TCF7L1: variants seen among roughly 807,000 people sequenced by gnomAD.
TCF7L1 encodes transcription factor 7 like 1.
Under a neutral mutation model 63.7 loss-of-function variants are expected in TCF7L1, and 18 were observed. That is an observed-to-expected ratio of 0.28 (90% CI 0.20 to 0.42). The LOEUF (loss-of-function observed/expected upper bound fraction) is 0.42. Among genes scored for constraint, TCF7L1 ranks in the 10% least tolerant of loss-of-function variants. The pLI is 1.00. For missense variants in TCF7L1, 654 were observed against 779.3 expected (o/e 0.84, Z 1.91); for synonymous variants, 355 against 340.9 (o/e 1.04, Z -0.46).
intron 3 of TCF7L1, among the ~76,000 whole-genome samples, chr2:85,231,466 G>A (rs918693018): frequency 6.6e-6 from 1 of 152,140 alleles, no homozygotes. Flanking sequence ...ATTCCTCCTC[G>A]TCCACGTGAC....
chr2:85,260,527 G>GC (rs746257233), intron 3 of TCF7L1, among the ~76,000 whole-genome samples: 1 of 151,854 alleles, frequency 6.6e-6, no homozygotes, highest in Non-Finnish European at 1.5e-5. Flanking sequence ...TGTAGTCCCA[G>GC]CTACCCGGTG....
intron 3 of TCF7L1, among the ~76,000 whole-genome samples, chr2:85,174,714 G>T (rs150879703): frequency 6.6e-6 from 1 of 152,104 alleles, no homozygotes; most frequent in Non-Finnish European, 1.5e-5. Context: ...CCCTGACTCC[G>T]CCTGACAACC....
chr2:85,188,139 A>C, intron 3 of TCF7L1, among the ~76,000 whole-genome samples: 1 of 152,186 alleles, frequency 6.6e-6, no homozygotes, highest in East Asian at 1.9e-4. Flanking sequence ...GAGGGGAATA[A>C]GGGATAGGTG....
intron 4 of TCF7L1, among the ~76,000 whole-genome samples, chr2:85,284,638 C>T (rs938144239): frequency 3.3e-5 from 5 of 152,116 alleles, no homozygotes; most frequent in Non-Finnish European, 7.4e-5. Flanking sequence ...TGGTGCTCGC[C>T]GACTGTACAG....
chr2:85,242,429 T>C (rs974011871), intron 3 of TCF7L1, among the ~76,000 whole-genome samples: 6 of 152,238 alleles, frequency 3.9e-5, no homozygotes, highest in African/African-American at 1.4e-4. Flanking sequence ...CTCCATCACC[T>C]TGAGGTTTTG....
At chr2:85,308,988 A>C in intron 11 of TCF7L1, 41 bp from the exon 12 acceptor site, 1 of 1,524,594 alleles carries the variant, frequency 6.6e-7, no homozygotes, top group Non-Finnish European at 8.8e-7. Context: ...CTCCTCTCAC[A>C]GAGCTATAGC....
chr2:85,137,473 G>A (rs1677620712), intron 3 of TCF7L1, among the ~76,000 whole-genome samples: 1 of 152,212 alleles, frequency 6.6e-6, no homozygotes, highest in Non-Finnish European at 1.5e-5. Flanking sequence ...CTGGGACCCT[G>A]TGAAGAGAGG....
At chr2:85,296,306 C>T (rs1260062471) in intron 4 of TCF7L1, among the ~76,000 whole-genome samples, 3 of 152,046 alleles carry the variant, frequency 2.0e-5, no homozygotes, top group Non-Finnish European at 4.4e-5. Flanking sequence ...AAGTACAGGC[C>T]AGCTGTTTTG....
chr2:85,307,799 A>G lies in TCF7L1; in HGVS notation c.1333+82A>G, dbSNP rs138115425. ...TGCCCATGCTGTCTCTAGCTCCCTG[A>G]TGGGTCAGGGCTTCTGCCTCGGTAT... On this transcript the variant is annotated intron_variant, in intron 11 of 11. Transcript: ENST00000282111. 9.2e-5 allele frequency: 122 copies of G among 1,319,636 alleles called. 1 individual carries two copies. The African/African-American group carries it at 1.6e-3, about 17-fold the overall frequency. 81.7% of individuals were successfully genotyped at this position (1,319,636 alleles called of 1,614,324 possible).
chr2:85,238,766 C>T (rs569696415), intron 3 of TCF7L1, among the ~76,000 whole-genome samples: 19 of 150,960 alleles, frequency 1.3e-4, no homozygotes, highest in Non-Finnish European at 2.2e-4. Flanking sequence ...AGGGAACAAT[C>T]TTTTGGAGCA....
chr2:85,257,267 T>C (rs1041132907), intron 3 of TCF7L1, among the ~76,000 whole-genome samples: 6 of 152,214 alleles, frequency 3.9e-5, no homozygotes, highest in African/African-American at 1.4e-4. Flanking sequence ...GTATACATAT[T>C]ACACCTTAGT....
chr2:85,138,464 C>A (rs1013874042), intron 3 of TCF7L1, among the ~76,000 whole-genome samples: 4 of 152,086 alleles, frequency 2.6e-5, no homozygotes, highest in African/African-American at 4.8e-5. Flanking sequence ...TGGTAAAATT[C>A]TTTTGAGCCA....
At chr2:85,271,395 G>A (rs990450712) in intron 3 of TCF7L1, among the ~76,000 whole-genome samples, 14 of 152,212 alleles carry the variant, frequency 9.2e-5, no homozygotes, top group Non-Finnish European at 1.9e-4. Context: ...ACAGGCATAA[G>A]CTACCGCGCC....
chr2:85,269,559 G>A (rs551234773), intron 3 of TCF7L1, among the ~76,000 whole-genome samples: 1 of 152,300 alleles, frequency 6.6e-6, no homozygotes, highest in East Asian at 1.9e-4. Context: ...GGGCTCAGGT[G>A]AGCCTCCCAA....
chr2:85,193,520 A>G (rs548984835), intron 3 of TCF7L1, among the ~76,000 whole-genome samples: 3 of 152,274 alleles, frequency 2.0e-5, no homozygotes, highest in Admixed American at 6.5e-5. Context: ...CCTCATGTCT[A>G]TATTTAAAAA....
At chr2:85,215,343 G>C (rs1010252542) in intron 3 of TCF7L1, among the ~76,000 whole-genome samples, 3 of 152,220 alleles carry the variant, frequency 2.0e-5, no homozygotes, top group African/African-American at 7.2e-5. Flanking sequence ...TCACGAAATT[G>C]TGCAGCGTTC....
At chr2:85,182,748 C>A (rs1320526425) in intron 3 of TCF7L1, among the ~76,000 whole-genome samples, 1 of 152,242 alleles carries the variant, frequency 6.6e-6, no homozygotes, top group Non-Finnish European at 1.5e-5. Context: ...CGGTCCAATG[C>A]AAGTCTGCAT....
chr2:85,257,608 G>A (rs1326688341), intron 3 of TCF7L1, among the ~76,000 whole-genome samples: 2 of 152,146 alleles, frequency 1.3e-5, no homozygotes, highest in Non-Finnish European at 2.9e-5. Flanking sequence ...GCTCACAGAG[G>A]GCTGTGGTGC....
chr2:85,178,324 GTT>G (rs1163615947), intron 3 of TCF7L1, among the ~76,000 whole-genome samples: 1 of 152,158 alleles, frequency 6.6e-6, no homozygotes, highest in African/African-American at 2.4e-5. Context: ...AGTTTGTTTT[GTT>G]TAGCCATTTC....
Sources: gnomAD v4.1 joint callset for allele counts (sites outside exome capture counted in the v4.1 genomes callset) on GRCh38, gnomAD v4.1.1 for gene constraint, MANE v1.5 for transcripts, NCBI Gene and HGNC (gene_info 2026-07-23, HGNC 2026-07-21) for gene names.